PCDHA8: variants seen among roughly 807,000 people sequenced by gnomAD.
The protein encoded by PCDHA8 is protocadherin alpha-8.
PCDHA8 carries 53 observed loss-of-function variants against 61.8 expected under a neutral mutation model. The observed-to-expected ratio is 0.86, with a 90% confidence interval of 0.69 to 1.08. PCDHA8 has a LOEUF of 1.08. Among genes scored for constraint, PCDHA8 ranks in the 50% least tolerant of loss-of-function variants. PCDHA8 has a pLI of 0.00. For missense variants in PCDHA8, 1,293 were observed against 1,245.0 expected (o/e 1.04, Z -0.58); for synonymous variants, 618 against 556.6 (o/e 1.11, Z -1.55).
At chr5:140,847,798 C>G (rs1359098048) in intron 1 of PCDHA8, 1 of 149,600 alleles carries the variant, frequency 6.7e-6, no homozygotes, top group Non-Finnish European at 1.5e-5. Context: ...TATTTTATAC[C>G]TTTTCAATTC....
chr5:140,863,007 A>G (rs1554157449), intron 1 of PCDHA8: 1 of 551,416 alleles, frequency 1.8e-6, no homozygotes, highest in Non-Finnish European at 3.6e-6. Context: ...GACTCCAGCT[A>G]TGACGCCTGG....
At chr5:140,927,300 C>T (rs2084061617) in intron 1 of PCDHA8, 2 of 1,614,052 alleles carry the variant, frequency 1.2e-6, no homozygotes, top group South Asian at 2.2e-5. Flanking sequence ...TCCCCGAGTT[C>T]CTGACGCCCG....
In PCDHA8 at chr5:140,882,891, A is replaced by T. The variant is rs782750187; in HGVS notation, c.2394+39176A>T. 1 of 1,614,230 alleles carries T rather than the reference A, an allele frequency of 6.2e-7. No individual in the cohort carries two copies. The highest frequency in any genetic ancestry group is 8.5e-7 in the Non-Finnish European group (1 of 1,180,042). On this transcript the variant is annotated intron_variant, in intron 1 of 3. Transcript: ENST00000531613. ...CTGGACAGAGAGGAAATTCAGGAAC[A>T]TAGTTTATTACTGACAGCCAGTGAT...
intron 1 of PCDHA8, among the ~76,000 whole-genome samples, chr5:140,939,868 T>C (rs868982739): frequency 2.6e-5 from 4 of 152,340 alleles, no homozygotes; most frequent in Middle Eastern, 6.8e-3. Flanking sequence ...CATTAGGTCA[T>C]CTTTGCTAGT....
At chr5:140,862,045 A>T (rs544547077) in intron 1 of PCDHA8, 1 of 155,812 alleles carries the variant, frequency 6.4e-6, no homozygotes, top group South Asian at 2.0e-4. Context: ...AAACCGTCAC[A>T]TTGTTTCTTT....
intron 1 of PCDHA8, among the ~76,000 whole-genome samples, chr5:140,896,566 G>A (rs1562891221): frequency 6.7e-6 from 1 of 150,252 alleles, no homozygotes; most frequent in Non-Finnish European, 1.5e-5. Context: ...AAGTAGAGAT[G>A]GGGTTTTGAC....
chr5:140,993,783 T>C (rs1402072576), intron 3 of PCDHA8, among the ~76,000 whole-genome samples: 2 of 152,230 alleles, frequency 1.3e-5, no homozygotes, highest in East Asian at 3.9e-4. Flanking sequence ...TTTTGTACAG[T>C]AACATGCTGT....
rs1430137096 is a variant in PCDHA8, at chr5:140,871,495, G to A, written c.2394+27780G>A. On this transcript the variant is annotated intron_variant, in intron 1 of 3. Transcript: ENST00000531613. ...GCCAGGGTCAAATCACCCCGGACAG[G>A]TGAGTTTTCTACAGATTCCACCTAT... 5 of 1,588,092 alleles carry A rather than the reference G, an allele frequency of 3.1e-6. No homozygotes were observed. The African/African-American group carries it at 6.7e-5, about 21-fold the overall frequency.
chr5:140,871,354 C>A, intron 1 of PCDHA8: 1 of 1,614,210 alleles, frequency 6.2e-7, no homozygotes, highest in Non-Finnish European at 8.5e-7. Flanking sequence ...GTCATACTCG[C>A]AGCAGAGGCG....
intron 1 of PCDHA8, chr5:140,849,878 G>T (rs558218817): frequency 6.3e-7 from 1 of 1,598,486 alleles, no homozygotes; most frequent in East Asian, 2.2e-5. Context: ...CCGAGTACAC[G>T]GTGTTCGTGA....
intron 1 of PCDHA8, among the ~76,000 whole-genome samples, chr5:140,907,506 A>G (rs1418997042): frequency 2.6e-5 from 4 of 152,234 alleles, no homozygotes; most frequent in Non-Finnish European, 5.9e-5. Flanking sequence ...GTAAGTGTCT[A>G]TTCCAGTGAG....
intron 1 of PCDHA8, among the ~76,000 whole-genome samples, chr5:140,953,493 A>G (rs959606912): frequency 8.5e-5 from 13 of 152,108 alleles, no homozygotes; most frequent in Non-Finnish European, 1.5e-5. Flanking sequence ...CACAACCTTG[A>G]TCAGCTATTA....
intron 1 of PCDHA8, among the ~76,000 whole-genome samples, chr5:140,890,952 G>C (rs555852578): frequency 1.9e-4 from 29 of 152,236 alleles, no homozygotes; most frequent in African/African-American, 7.0e-4. Context: ...GGTGAGGAAT[G>C]ATTTCAGGTT....
chr5:140,927,513 C>G, intron 1 of PCDHA8: 1 of 1,614,062 alleles, frequency 6.2e-7, no homozygotes, highest in Non-Finnish European at 8.5e-7. Context: ...CAGCTCGGGA[C>G]GGCGGGCTAC....
chr5:140,885,480 A>G (rs782437070), intron 1 of PCDHA8, among the ~76,000 whole-genome samples: 7 of 152,158 alleles, frequency 4.6e-5, no homozygotes, highest in Non-Finnish European at 7.4e-5. Context: ...ACTTTGTGTC[A>G]AGTGTTCTGT....
intron 1 of PCDHA8, chr5:140,882,292 C>G (rs2059050033): frequency 1.2e-6 from 2 of 1,613,422 alleles, no homozygotes; most frequent in African/African-American, 1.3e-5. Flanking sequence ...GGCAAGGAGG[C>G]CCAAGACCGC....
intron 3 of PCDHA8, among the ~76,000 whole-genome samples, chr5:141,007,733 C>A (rs2098343034): frequency 6.6e-6 from 1 of 152,180 alleles, no homozygotes; most frequent in African/African-American, 2.4e-5. Flanking sequence ...CAAAGGTTAA[C>A]CACTGAAGAT....
intron 1 of PCDHA8, among the ~76,000 whole-genome samples, chr5:140,887,345 C>A (rs1286436995): frequency 6.6e-6 from 1 of 152,140 alleles, no homozygotes; most frequent in Non-Finnish European, 1.5e-5. Context: ...ATCCACCTGG[C>A]TCGGCCTCCC....
At chr5:140,850,932 C>T in intron 1 of PCDHA8, 1 of 1,514,290 alleles carries the variant, frequency 6.6e-7, no homozygotes, top group Non-Finnish European at 8.9e-7. Flanking sequence ...AATTTTTTTT[C>T]TTGAAAGATA....
Sources: gnomAD v4.1 joint callset for allele counts (sites outside exome capture counted in the v4.1 genomes callset) on GRCh38, gnomAD v4.1.1 for gene constraint, MANE v1.5 for transcripts, NCBI Gene and HGNC (gene_info 2026-07-23, HGNC 2026-07-21) for gene names.